Variants in FRMD3 observed in about 807,000 individuals in gnomAD.
The protein encoded by FRMD3 is FERM domain containing 3.
In FRMD3, 33 loss-of-function variants were observed where a neutral mutation model predicts 70.2. The observed-to-expected ratio is 0.47, with a 90% CI of 0.36 to 0.63. The LOEUF is 0.63. Ranked by LOEUF, FRMD3 falls within the 20% of genes least tolerant of loss-of-function variation. FRMD3 has a pLI of 0.00. For synonymous variants in FRMD3, 279 were observed against 255.9 expected, an observed-to-expected ratio of 1.09 and a Z score of -0.86; for missense variants, 632 against 711.4, an observed-to-expected ratio of 0.89 and a Z score of 1.27.
Position 83,246,836 on chromosome 9 carries a change from T to C in FRMD3, c.*1082A>G. On this transcript the variant is annotated 3_prime_UTR_variant, in exon 14 of 14. Coordinates refer to ENST00000304195, the MANE Select transcript of FRMD3 (RefSeq NM_174938.6). Reference sequence around the variant, plus strand: ...TTAACTCAGACAGCGACTGCACTGCTCTTCACATCATCGAACGCTGGCATC... The same window carrying C: ...TTAACTCAGACAGCGACTGCACTGCCCTTCACATCATCGAACGCTGGCATC... 1 of 985,422 alleles carries C rather than the reference T, an allele frequency of 1.0e-6. No individual in the cohort carries two copies. Among genetic ancestry groups the C allele is most frequent in the Non-Finnish European group, 1.2e-6 (1 of 829,930 alleles). The allele number at this position is 985,422 out of a possible 1,614,324, so 61.0% of individuals were successfully genotyped here.
chr9:83,337,358 C>G (rs1434233586), intron 5 of FRMD3, among the ~76,000 whole-genome samples: 1 of 152,114 alleles, frequency 6.6e-6, no homozygotes, highest in Non-Finnish European at 1.5e-5. Context: ...TCAGCTGACA[C>G]TAACAAAGGG....
chr9:83,449,199 C>T (rs528357636), intron 1 of FRMD3, among the ~76,000 whole-genome samples: 3 of 152,166 alleles, frequency 2.0e-5, no homozygotes, highest in African/African-American at 7.2e-5. Context: ...GTCTGGACTC[C>T]GGTATGTCGC....
chr9:83,292,709 A>G (rs7039712), intron 12 of FRMD3, among the ~76,000 whole-genome samples: 86,227 of 151,768 alleles, frequency 0.57, 26,063 homozygotes, highest in South Asian at 0.79. Flanking sequence ...GTGCAGTGGT[A>G]CGATCTCGGC....
rs561454089 is a variant in FRMD3 at position 83,525,778 on chromosome 9, T to C, written c.147+12307A>G. ...TGGCTGCCCCATTTGTAGAAGAAAA[T>C]AGAGACCAGCTCTGGTTCAGGTGAG... On this transcript the variant is annotated intron_variant, in intron 1 of 13. Transcript: ENST00000304195. 3.9e-5 allele frequency among the ~76,000 whole-genome samples: 6 copies of C among 152,084 alleles called. No homozygotes were observed. The South Asian group carries it at 8.3e-4, about 21-fold the overall frequency.
intron 1 of FRMD3, among the ~76,000 whole-genome samples, chr9:83,402,301 T>A (rs1055996882): frequency 6.7e-6 from 1 of 148,556 alleles, no homozygotes; most frequent in African/African-American, 2.5e-5. Flanking sequence ...ATGGCTACCC[T>A]GAACTCAACA....
chr9:83,517,508 A>C (rs1320794241), intron 1 of FRMD3, among the ~76,000 whole-genome samples: 2 of 150,596 alleles, frequency 1.3e-5, no homozygotes, highest in African/African-American at 2.4e-5. Context: ...AAAAAAAAAA[A>C]AAAAAAAAAA....
intron 1 of FRMD3, among the ~76,000 whole-genome samples, chr9:83,442,319 G>C (rs536920365): frequency 4.8e-5 from 7 of 146,944 alleles, no homozygotes; most frequent in Non-Finnish European, 8.9e-5. Context: ...GTGCAGTGGT[G>C]CGATCTCAGC....
intron 1 of FRMD3, among the ~76,000 whole-genome samples, chr9:83,529,759 G>A (rs1483839347): frequency 6.6e-6 from 1 of 152,194 alleles, no homozygotes; most frequent in Non-Finnish European, 1.5e-5. Flanking sequence ...TAAAGGGTTT[G>A]TGTCCAGAAT....
At chr9:83,418,387 A>T (rs1176095425) in intron 1 of FRMD3, among the ~76,000 whole-genome samples, 7 of 152,216 alleles carry the variant, frequency 4.6e-5, no homozygotes, top group Non-Finnish European at 8.8e-5. Context: ...CCAATGAAGG[A>T]CTAGTGTCCA....
At chr9:83,327,634 G>A (rs1836072305) in intron 6 of FRMD3, among the ~76,000 whole-genome samples, 1 of 152,162 alleles carries the variant, frequency 6.6e-6, no homozygotes, top group Non-Finnish European at 1.5e-5. Flanking sequence ...CCTTAGCCCT[G>A]ACCTAGGGTG....
chr9:83,582,666 G>A, the FRMD3 span, among the ~76,000 whole-genome samples: 11 of 152,264 alleles, frequency 7.2e-5, no homozygotes, highest in African/African-American at 2.6e-4. Context: ...TACTCACTTT[G>A]TATGTCCTTG....
intron 1 of FRMD3, among the ~76,000 whole-genome samples, chr9:83,405,675 CAGG>C (rs1826079850): frequency 1.3e-5 from 2 of 151,360 alleles, no homozygotes; most frequent in Admixed American, 6.6e-5. Flanking sequence ...GAGGCTGAGG[CAGG>C]AGAATTGCTT....
the FRMD3 span, among the ~76,000 whole-genome samples, chr9:83,560,599 C>T: frequency 6.6e-6 from 1 of 152,212 alleles, no homozygotes; most frequent in African/African-American, 2.4e-5. Flanking sequence ...GTTTGTTACA[C>T]AGCATTAGGG....
chr9:83,529,910 G>C (rs1829760283), intron 1 of FRMD3, among the ~76,000 whole-genome samples: 1 of 152,138 alleles, frequency 6.6e-6, no homozygotes, highest in African/African-American at 2.4e-5. Flanking sequence ...AGCCACCAGA[G>C]AAATGCAAAT....
At chr9:83,396,445 C>T (rs114146957) in intron 1 of FRMD3, among the ~76,000 whole-genome samples, 1,855 of 152,318 alleles carry the variant, frequency 0.012, 35 homozygotes, top group African/African-American at 0.04. Flanking sequence ...CACACATGCA[C>T]GCACACACAT....
intron 3 of FRMD3, among the ~76,000 whole-genome samples, chr9:83,370,208 G>A (rs1173281394): frequency 2.0e-5 from 3 of 152,124 alleles, no homozygotes; most frequent in East Asian, 1.9e-4. Flanking sequence ...AGACTCTTTC[G>A]ATAAATTCAT....
At chr9:83,290,810 AT>A in intron 12 of FRMD3, 83 bp from the exon 13 acceptor site, 1 of 1,465,416 alleles carries the variant, frequency 6.8e-7, no homozygotes, top group South Asian at 1.3e-5. Flanking sequence ...CCAAGCTACC[AT>A]TTTGTGTCTA....
intron 1 of FRMD3, among the ~76,000 whole-genome samples, chr9:83,466,104 G>A (rs1828119820): frequency 6.6e-6 from 1 of 152,128 alleles, no homozygotes. Context: ...CAGTCCAAGG[G>A]GAGAACAAAA....
chr9:83,432,665 T>C (rs1411084255), intron 1 of FRMD3, among the ~76,000 whole-genome samples: 1 of 152,230 alleles, frequency 6.6e-6, no homozygotes. Flanking sequence ...AAATATCTGT[T>C]TGTAAGTTCA....
Sources: gnomAD v4.1 joint callset for allele counts (sites outside exome capture counted in the v4.1 genomes callset) on GRCh38, gnomAD v4.1.1 for gene constraint, MANE v1.5 for transcripts, NCBI Gene and HGNC (gene_info 2026-07-23, HGNC 2026-07-21) for gene names.